The following DOCK10 variants were observed in gnomAD, a reference collection of about 807,000 sequenced individuals.
DOCK10 encodes the protein dedicator of cytokinesis 10.
A neutral mutation model predicts 280.1 loss-of-function variants in DOCK10; 145 were observed. That is an observed-to-expected ratio of 0.52 (90% CI 0.45 to 0.59). The LOEUF (loss-of-function observed/expected upper bound fraction) is 0.59, where lower values mean the gene tolerates loss of function less well. Ranked by LOEUF, DOCK10 falls within the 20% of genes least tolerant of loss-of-function variation. The pLI is 0.00. For missense variants in DOCK10, 2,368 were observed against 2,651.7 expected, an observed-to-expected ratio of 0.89 and a Z score of 2.35; for synonymous variants, 915 against 942.2, an observed-to-expected ratio of 0.97 and a Z score of 0.53.
chr2:224,960,206 TC>T (rs1196349580), intron 1 of DOCK10, among the ~76,000 whole-genome samples: 1 of 152,202 alleles, frequency 6.6e-6, no homozygotes, highest in Non-Finnish European at 1.5e-5. Flanking sequence ...TTCCTATTGT[TC>T]CTGGGCTCCT....
At chr2:224,902,589 A>G (rs1009602541) in intron 3 of DOCK10, among the ~76,000 whole-genome samples, 9 of 152,190 alleles carry the variant, frequency 5.9e-5, no homozygotes, top group African/African-American at 2.2e-4. Flanking sequence ...GAGTGAAAAG[A>G]GGCACTATTA....
chr2:224,796,918 A>T, intron 43 of DOCK10, 46 bp downstream of exon 43: 2 of 1,568,166 alleles, frequency 1.3e-6, no homozygotes, highest in South Asian at 2.3e-5. Flanking sequence ...GCTGAAACAG[A>T]TCAGTGGTTT....
At chr2:224,969,296 G>A (rs1302478893) in intron 1 of DOCK10, among the ~76,000 whole-genome samples, 1 of 152,176 alleles carries the variant, frequency 6.6e-6, no homozygotes, top group East Asian at 1.9e-4. Flanking sequence ...ACGTCTTGGT[G>A]TTCTTTAATG....
chr2:225,042,295 G>A lies in DOCK10; in HGVS notation c.80C>T (p.Ala27Val), dbSNP rs1256508875. The A allele has an allele frequency of 4.5e-6, 6 of 1,346,862 alleles. No individual in the cohort carries two copies. Among genetic ancestry groups the A allele is most frequent in the Non-Finnish European group, 5.7e-6 (6 of 1,046,432 alleles). 83.4% of individuals were successfully genotyped at this position (1,346,862 alleles called of 1,614,324 possible). A position where few individuals can be genotyped will look rare whatever the true frequency, so the allele number is the denominator to read the frequency against. Residue 27 changes from alanine (A) to valine (V), a missense_variant, in exon 1 of 56, where the codon GCG becomes GTG. Ala to Val is a moderately conservative substitution (Grantham distance 64, BLOSUM62 0). This residue lies in a region of DOCK10 where 1,209 missense variants were observed against 1,250.9 expected (regional missense o/e 0.97). Transcript: ENST00000258390. This position sits in a 1 kb window ranked among gnomAD's most constrained non-coding sequence, Gnocchi z 5.1. Reference sequence around the variant, plus strand: ...GCTGACTGCCACCGCGGCGGCGGACGCGGCGCTGTGCCGGAGCTCGGCCGC... The same window carrying A: ...GCTGACTGCCACCGCGGCGGCGGACACGGCGCTGTGCCGGAGCTCGGCCGC... Reference protein sequence around the residue: ...GQAAELRHSAASAAAVAVSSR... With the variant: ...GQAAELRHSAVSAAAVAVSSR...
intron 1 of DOCK10, among the ~76,000 whole-genome samples, chr2:225,003,029 G>T: frequency 6.6e-6 from 1 of 152,086 alleles, no homozygotes; most frequent in East Asian, 1.9e-4. Context: ...GAAGGAATTT[G>T]AAGGTTACAT....
intron 7 of DOCK10, among the ~76,000 whole-genome samples, chr2:224,884,317 T>C (rs941702143): frequency 2.0e-5 from 3 of 151,354 alleles, no homozygotes; most frequent in African/African-American, 4.9e-5. Context: ...CCTCCAGGAG[T>C]GGTCTGTGAT....
chr2:225,005,079 T>C (rs1706531668), intron 1 of DOCK10, among the ~76,000 whole-genome samples: 1 of 152,216 alleles, frequency 6.6e-6, no homozygotes. Context: ...AATTTGAAAG[T>C]TAACTGAGAA....
intron 1 of DOCK10, among the ~76,000 whole-genome samples, chr2:225,000,485 C>T (rs778362831): frequency 2.0e-5 from 3 of 152,308 alleles, no homozygotes; most frequent in Non-Finnish European, 4.4e-5. Flanking sequence ...TTGAGCATTT[C>T]CTGTTCGTAA....
chr2:224,774,577 C>T (rs189068220), intron 52 of DOCK10, among the ~76,000 whole-genome samples: 170 of 152,262 alleles, frequency 1.1e-3, no homozygotes, highest in African/African-American at 3.9e-3. Context: ...GAGCTGTTAA[C>T]CCTGAAACAA....
chr2:224,845,071 G>T, intron 21 of DOCK10, 132 bp downstream of exon 21: 1 of 989,628 alleles, frequency 1.0e-6, no homozygotes, highest in Non-Finnish European at 1.5e-6. Flanking sequence ...AAGAGATGTG[G>T]CATAGGTACA....
At chr2:224,982,647 A>G in intron 1 of DOCK10, 1 of 417,642 alleles carries the variant, frequency 2.4e-6, no homozygotes, top group Non-Finnish European at 3.2e-6. Context: ...GTTCATTACA[A>G]TGAAGCTCTT....
intron 7 of DOCK10, among the ~76,000 whole-genome samples, chr2:224,884,958 C>T (rs1275350181): frequency 2.6e-5 from 4 of 152,038 alleles, no homozygotes; most frequent in Admixed American, 6.6e-5. Flanking sequence ...TTGCCCCTGC[C>T]GCAGGGCCTT....
intron 2 of DOCK10, among the ~76,000 whole-genome samples, chr2:224,929,042 G>A (rs2126010422): frequency 6.6e-6 from 1 of 152,298 alleles, no homozygotes; most frequent in South Asian, 2.1e-4. Flanking sequence ...GATCCTTCTT[G>A]AGAACTCAGA....
intron 1 of DOCK10, among the ~76,000 whole-genome samples, chr2:225,004,705 T>C (rs376592548): frequency 6.6e-6 from 1 of 152,212 alleles, no homozygotes; most frequent in African/African-American, 2.4e-5. Flanking sequence ...TCAGAGAGCA[T>C]TTGTTTTCCT....
At chr2:224,943,735 G>A (rs185061669) in intron 1 of DOCK10, among the ~76,000 whole-genome samples, 97 of 144,662 alleles carry the variant, frequency 6.7e-4, no homozygotes, top group Non-Finnish European at 1.3e-3. Flanking sequence ...GTCTAGGGAT[G>A]TTGGTTTAAG....
intron 7 of DOCK10, among the ~76,000 whole-genome samples, chr2:224,878,576 G>T (rs1698780230): frequency 6.6e-6 from 1 of 152,194 alleles, no homozygotes; most frequent in Admixed American, 6.5e-5. Flanking sequence ...GGGAGTTGTG[G>T]TTTCTCTCAG....
In DOCK10 at chr2:224,920,236, C is replaced by CTT. The variant is rs377415968; in HGVS notation, c.244-3454_244-3453dup. Among the ~76,000 whole-genome samples, 23 of 126,214 alleles carry CTT rather than the reference C, an allele frequency of 1.8e-4. 1 individual carries two copies. Among genetic ancestry groups the CTT allele is most frequent in the South Asian group, 5.1e-4 (2 of 3,934 alleles). 82.8% of individuals were successfully genotyped at this position (126,214 alleles called of 152,430 possible). ...CACCACTATGCCTGGCTAATTTTCACTTTTTTTTTTTTTTTTTTGTAGAGA... is the reference window on the plus strand; with the variant it reads ...CACCACTATGCCTGGCTAATTTTCACTTTTTTTTTTTTTTTTTTTTGTAGAGA... On this transcript the variant is annotated intron_variant, in intron 2 of 55. Transcript: ENST00000258390.
At chr2:225,008,075 G>A (rs1033312071) in intron 1 of DOCK10, among the ~76,000 whole-genome samples, 2 of 152,174 alleles carry the variant, frequency 1.3e-5, no homozygotes, top group Non-Finnish European at 2.9e-5. Context: ...GGAAGTTCAT[G>A]AGCATCAATC....
At chr2:225,023,226 G>A (rs1689829761) in intron 1 of DOCK10, among the ~76,000 whole-genome samples, 1 of 152,120 alleles carries the variant, frequency 6.6e-6, no homozygotes, top group East Asian at 1.9e-4. Flanking sequence ...AGTGGAGACG[G>A]GGTTTCTCCA....
Sources: gnomAD v4.1 joint callset for allele counts (sites outside exome capture counted in the v4.1 genomes callset) on GRCh38, gnomAD v4.1.1 for gene constraint, gnomAD v4.1.1 regional missense constraint, Gnocchi (gnomAD v3.1) non-coding constraint, MANE v1.5 for transcripts, NCBI Gene and HGNC (gene_info 2026-07-23, HGNC 2026-07-21) for gene names.